Variants in SUCLG2 observed in about 807,000 individuals in gnomAD.
SUCLG2 encodes the protein succinate--CoA ligase [GDP-forming] subunit beta, mitochondrial.
Under a neutral mutation model 47.9 loss-of-function variants are expected in SUCLG2, and 42 were observed. The ratio of observed to expected loss-of-function variants is 0.88; its 90% CI spans 0.69 to 1.14. The LOEUF is 1.14. Ranked by LOEUF, SUCLG2 falls within the 50% of genes most tolerant of loss-of-function variation. The pLI is 0.00. For missense variants in SUCLG2, 571 were observed against 525.9 expected (o/e 1.09, Z -0.84); for synonymous variants, 195 against 197.3 (o/e 0.99, Z 0.10).
At chr3:67,446,464 T>G (rs79407789) in intron 9 of SUCLG2, among the ~76,000 whole-genome samples, 57,236 of 126,078 alleles carry the variant, frequency 0.45, 13,935 homozygotes, top group Non-Finnish European at 0.53. Flanking sequence ...AGAGTCTCGC[T>G]CTGTCACTCA....
In SUCLG2 at chr3:67,518,353, A is replaced by C; in HGVS notation, c.571-17T>G. The C allele has an allele frequency of 1.9e-6, 3 of 1,597,654 alleles. No individual in the cohort carries two copies. Among genetic ancestry groups the C allele is most frequent in the Non-Finnish European group, 2.6e-6 (3 of 1,169,272 alleles). ...AATTTGCTCCTAGTAAAAATAAATC[A>C]AATAAACAAAATTCAGACAGTCAAC... On this transcript the variant is annotated splice_polypyrimidine_tract_variant and intron_variant, in intron 5 of 10. Transcript: ENST00000307227.
At chr3:67,476,986 C>T (rs566211060) in intron 9 of SUCLG2, among the ~76,000 whole-genome samples, 1 of 152,270 alleles carries the variant, frequency 6.6e-6, no homozygotes, top group South Asian at 2.1e-4. Flanking sequence ...TTGAGGAGGT[C>T]TCTGGAGCCA....
intron 1 of SUCLG2, among the ~76,000 whole-genome samples, chr3:67,614,140 A>G (rs1700582273): frequency 6.6e-6 from 1 of 152,176 alleles, no homozygotes; most frequent in Non-Finnish European, 1.5e-5. Context: ...TAATCCATGA[A>G]TTCTAGAATG....
chr3:67,548,574 G>A (rs1182601439), intron 2 of SUCLG2, among the ~76,000 whole-genome samples: 1 of 152,048 alleles, frequency 6.6e-6, no homozygotes. Flanking sequence ...TTGGGGAAGA[G>A]GTAAAATTTA....
intron 3 of SUCLG2, 103 bp downstream of exon 3, chr3:67,528,984 C>A (rs1169450244): frequency 7.4e-6 from 7 of 950,664 alleles, no homozygotes; most frequent in Non-Finnish European, 1.1e-5. Flanking sequence ...CTTTGGCCCG[C>A]TCCTACCCCA....
At chr3:67,523,348 A>G (rs1315445048) in intron 4 of SUCLG2, among the ~76,000 whole-genome samples, 1 of 152,216 alleles carries the variant, frequency 6.6e-6, no homozygotes, top group Admixed American at 6.5e-5. Flanking sequence ...ATGGAAGTTC[A>G]TAAGTATATA....
chr3:67,399,183 A>T (rs767802342), intron 10 of SUCLG2, among the ~76,000 whole-genome samples: 1 of 118,128 alleles, frequency 8.5e-6, no homozygotes, highest in East Asian at 2.3e-4. Flanking sequence ...ATAATAAAAT[A>T]AAAAAAAAGA....
intron 2 of SUCLG2, among the ~76,000 whole-genome samples, chr3:67,543,322 G>A (rs1443853719): frequency 6.6e-6 from 1 of 152,174 alleles, no homozygotes; most frequent in Non-Finnish European, 1.5e-5. Context: ...AAATACACCT[G>A]TAAACAGTTA....
chr3:67,520,464 C>A lies in SUCLG2; in HGVS notation c.570+18G>T. The A allele has an allele frequency of 6.2e-7, 1 of 1,613,854 alleles. No individual in the cohort carries two copies. The highest frequency in any genetic ancestry group is 8.5e-7 in the Non-Finnish European group (1 of 1,179,830). On this transcript the variant is annotated intron_variant, in intron 5 of 10. Transcript: ENST00000307227. ...ATAACAATCAATTAATAGCAGGTAG[C>A]CCGGAATTTAAACATACCTTAAAAA...
intron 9 of SUCLG2, among the ~76,000 whole-genome samples, chr3:67,482,033 A>C (rs9821884): frequency 0.21 from 31,954 of 152,132 alleles, 5,233 homozygotes; most frequent in African/African-American, 0.45. Flanking sequence ...TACAAAAATT[A>C]GCTGGGCATG....
intron 1 of SUCLG2, among the ~76,000 whole-genome samples, chr3:67,617,209 C>T (rs1339876256): frequency 6.6e-6 from 1 of 152,170 alleles, no homozygotes; most frequent in East Asian, 1.9e-4. Context: ...GAAGAAGGCA[C>T]TTTAACTGTG....
intron 9 of SUCLG2, among the ~76,000 whole-genome samples, chr3:67,408,271 T>G (rs1702860938): frequency 6.6e-6 from 1 of 152,158 alleles, no homozygotes; most frequent in South Asian, 2.1e-4. Context: ...TAGCTAAAAC[T>G]GACATGTGAA....
At chr3:67,527,252 A>G (rs1706278308) in intron 4 of SUCLG2, among the ~76,000 whole-genome samples, 1 of 152,252 alleles carries the variant, frequency 6.6e-6, no homozygotes, top group African/African-American at 2.4e-5. Context: ...CGCTATGTCA[A>G]CAGAGCAGAC....
At chr3:67,548,683 T>C (rs56104253) in intron 2 of SUCLG2, among the ~76,000 whole-genome samples, 7,415 of 152,286 alleles carry the variant, frequency 0.049, 236 homozygotes, top group African/African-American at 0.089. Flanking sequence ...AAATCTATTA[T>C]TGTTTCTGAG....
At chr3:67,465,685 T>C (rs889481994) in intron 9 of SUCLG2, among the ~76,000 whole-genome samples, 2 of 152,234 alleles carry the variant, frequency 1.3e-5, no homozygotes, top group Non-Finnish European at 2.9e-5. Context: ...CATAGTCTGA[T>C]GGCCAGGCCA....
At chr3:67,372,438 G>T (rs1180539389), downstream of SUCLG2, among the ~76,000 whole-genome samples, 1 of 151,976 alleles carries the variant, frequency 6.6e-6, no homozygotes, top group African/African-American at 2.4e-5. Context: ...ACTAAACAAT[G>T]CATGACATAC....
rs1046483989 is a variant in SUCLG2 at position 67,415,426 on chromosome 3, A to G, written c.1063-14575T>C. Among the ~76,000 whole-genome samples the G allele has an allele frequency of 5.9e-5, 9 of 152,304 alleles. No homozygotes were observed. The East Asian group carries it at 1.2e-3, about 20-fold the overall frequency. ...TAGGCACTGCCTAAGTATTTTATCT[A>G]TCTTAACTTACTGATATCTCACCAC... On this transcript the variant is annotated intron_variant, in intron 9 of 10. Transcript: ENST00000307227.
At position 67,431,128 on chromosome 3, in the gene SUCLG2, G is replaced by A. The variant is rs184790839; in HGVS notation, c.1063-30277C>T. Among the ~76,000 whole-genome samples the A allele has an allele frequency of 3.3e-3, 501 of 152,062 alleles. 3 individuals carry two copies. The highest frequency in any genetic ancestry group is 5.3e-3 in the Non-Finnish European group (360 of 67,990). ...AGGCCAGCATCATCTTGATACCAAA[G>A]CCTGGCAGAGACACAACAAAAAAAA... On this transcript the variant is annotated intron_variant, in intron 9 of 10. Coordinates refer to ENST00000307227, the MANE Select transcript of SUCLG2 (RefSeq NM_003848.4).
chr3:67,418,413 AG>A (rs1244505174), intron 9 of SUCLG2, among the ~76,000 whole-genome samples: 1 of 152,196 alleles, frequency 6.6e-6, no homozygotes, highest in Non-Finnish European at 1.5e-5. Flanking sequence ...TAGTTTGCCA[AG>A]ATCAGCAGCT....
Sources: allele counts gnomAD v4.1 joint callset (sites outside exome capture counted in the v4.1 genomes callset), GRCh38; gene constraint gnomAD v4.1.1; transcripts MANE v1.5; gene names NCBI Gene and HGNC (gene_info 2026-07-23, HGNC 2026-07-21).